Variants in ARHGAP21 observed in about 807,000 individuals in gnomAD.
The protein encoded by ARHGAP21 is Rho GTPase activating protein 21.
ARHGAP21 carries 38 observed loss-of-function variants against 164.6 expected under a neutral mutation model. The observed-to-expected ratio is 0.23, with a 90% CI of 0.18 to 0.30. The LOEUF (loss-of-function observed/expected upper bound fraction) is 0.30. ARHGAP21 is among the 10% of genes least tolerant of loss of function. ARHGAP21 has a pLI of 1.00. For missense variants in ARHGAP21, 1,822 were observed against 2,370.7 expected (o/e 0.77, Z 4.81); for synonymous variants, 766 against 857.9 (o/e 0.89, Z 1.87).
At chr10:24,614,165 A>G (rs528201927) in intron 9 of ARHGAP21, among the ~76,000 whole-genome samples, 16 of 152,308 alleles carry the variant, frequency 1.1e-4, no homozygotes, top group African/African-American at 3.8e-4. Context: ...AGAAATGTGG[A>G]TGACTGAGTA....
chr10:24,677,344 A>G (rs1350595908), intron 2 of ARHGAP21, among the ~76,000 whole-genome samples: 3 of 152,248 alleles, frequency 2.0e-5, no homozygotes, highest in Admixed American at 2.0e-4. Flanking sequence ...TGCATGTAAA[A>G]TGCAACTAGA....
At position 24,600,132 on chromosome 10, in the gene ARHGAP21, C is replaced by CAAAAAAAAAAA. The variant is rs56180973; in HGVS notation, c.3132+503_3132+513dup. 8.4e-5 allele frequency among the ~76,000 whole-genome samples: 8 copies of CAAAAAAAAAAA among 94,846 alleles called. 1 individual carries two copies. The highest frequency in any genetic ancestry group is 2.5e-4 in the African/African-American group (6 of 24,062). The allele number at this position is 94,846 out of a possible 152,430, so 62.2% of individuals were successfully genotyped here. A position where few individuals can be genotyped will look rare whatever the true frequency, so the allele number is the denominator to read the frequency against. ...TGGGCAACAGAGCAGGACTTCGTTT[C>CAAAAAAAAAAA]AAAAAAAAAAAAAAAAAAGCTGACT... On this transcript the variant is annotated intron_variant, in intron 14 of 25. Coordinates refer to ENST00000396432, the MANE Select transcript of ARHGAP21 (RefSeq NM_020824.4).
intron 4 of ARHGAP21, among the ~76,000 whole-genome samples, chr10:24,641,997 GAAAAAAA>G (rs202129015): frequency 8.8e-6 from 1 of 113,518 alleles, no homozygotes; most frequent in African/African-American, 3.1e-5. Context: ...CTCCATCTTG[GAAAAAAA>G]AAAAAAAAAG....
Position 24,585,975 on chromosome 10 carries a change from G to T in ARHGAP21, c.4314C>A (p.Asp1438Glu). 1.2e-6 allele frequency: 2 copies of T among 1,613,948 alleles called. No individual in the cohort carries two copies. Among genetic ancestry groups the T allele is most frequent in the Middle Eastern group, 1.6e-4 (1 of 6,062 alleles). The change falls in exon 26 of 26, where the codon GAC becomes GAA. Residue 1438 changes from aspartate to glutamate, a missense_variant. By Grantham distance (45) the Asp-to-Glu change is conservative (BLOSUM62 2). Transcript: ENST00000396432. ...CATTTTCTTTCTTAAAAAATACATT[G>T]TCCAGTTCATCTTCTGAGCTGCTAG... ...AQPSSSEDEL[D>E]NVFFKKENVE...
intron 9 of ARHGAP21, among the ~76,000 whole-genome samples, chr10:24,617,818 G>A (rs1400230370): frequency 1.8e-5 from 2 of 114,042 alleles, no homozygotes; most frequent in African/African-American, 5.3e-5. Flanking sequence ...AGTACTCAAA[G>A]AGAAGCATAT....
At chr10:24,722,966 G>C (rs1846080834) in intron 1 of ARHGAP21, among the ~76,000 whole-genome samples, 1 of 152,006 alleles carries the variant, frequency 6.6e-6, no homozygotes, top group South Asian at 2.1e-4. Flanking sequence ...CACTCGACAC[G>C]GCTTCCCTTC....
intron 2 of ARHGAP21, among the ~76,000 whole-genome samples, chr10:24,720,715 T>A (rs1268767116): frequency 1.3e-5 from 2 of 152,162 alleles, no homozygotes; most frequent in Non-Finnish European, 2.9e-5. Context: ...ATGCCAAAAC[T>A]CACACACTTA....
chr10:24,695,050 C>CAAAAAAAAAAAAAAAAAAAAAAAAAAAAA (rs570457905), intron 2 of ARHGAP21, among the ~76,000 whole-genome samples: 3 of 78,506 alleles, frequency 3.8e-5, no homozygotes, highest in Non-Finnish European at 4.8e-5. Flanking sequence ...AATTCCATCT[C>CAAAAAAAAAAAAAAAAAAAAAAAAAAAAA]AAAAAAAAAA....
chr10:24,608,602 A>G (rs2077130348), intron 9 of ARHGAP21, among the ~76,000 whole-genome samples: 1 of 152,212 alleles, frequency 6.6e-6, no homozygotes, highest in African/African-American at 2.4e-5. Flanking sequence ...TGATGCCTGG[A>G]TTTAAAAGGT....
At chr10:24,651,605 T>G (rs1436971634) in intron 4 of ARHGAP21, among the ~76,000 whole-genome samples, 1 of 152,220 alleles carries the variant, frequency 6.6e-6, no homozygotes, top group Non-Finnish European at 1.5e-5. Flanking sequence ...AATCTGGTGA[T>G]ATATAAAAAG....
intron 4 of ARHGAP21, among the ~76,000 whole-genome samples, chr10:24,651,294 GC>G (rs529124977): frequency 6.6e-6 from 1 of 152,164 alleles, no homozygotes; most frequent in South Asian, 2.1e-4. Context: ...CCTAGCAGAG[GC>G]ATTCTTAGAT....
intron 11 of ARHGAP21, among the ~76,000 whole-genome samples, chr10:24,606,779 T>A (rs1186733100): frequency 1.3e-5 from 2 of 152,108 alleles, no homozygotes; most frequent in East Asian, 3.8e-4. Context: ...AGGTGGAGGC[T>A]GCAGTGAGCC....
intron 4 of ARHGAP21, among the ~76,000 whole-genome samples, chr10:24,664,392 T>C (rs971840162): frequency 2.0e-5 from 3 of 151,854 alleles, no homozygotes; most frequent in Non-Finnish European, 2.9e-5. Context: ...CCGTTTCTAC[T>C]AAAAATACAA....
intron 2 of ARHGAP21, among the ~76,000 whole-genome samples, chr10:24,697,076 C>T (rs1445699396): frequency 6.6e-6 from 1 of 152,088 alleles, no homozygotes; most frequent in Non-Finnish European, 1.5e-5. Flanking sequence ...TCCAGAGGCC[C>T]GACCCAGAAT....
chr10:24,702,107 G>C (rs939641245), intron 2 of ARHGAP21, among the ~76,000 whole-genome samples: 1 of 151,306 alleles, frequency 6.6e-6, no homozygotes, highest in Admixed American at 6.6e-5. Flanking sequence ...CTTGGTGAGG[G>C]GGAGAAAATA....
chr10:24,622,623 A>T, intron 8 of ARHGAP21, 110 bp downstream of exon 8: 1 of 1,132,662 alleles, frequency 8.8e-7, no homozygotes, highest in Non-Finnish European at 1.2e-6. Flanking sequence ...TTAACACGAT[A>T]GAGGGATTTC....
At chr10:24,609,909 TAAATA>T (rs959357717) in intron 9 of ARHGAP21, among the ~76,000 whole-genome samples, 5 of 152,230 alleles carry the variant, frequency 3.3e-5, no homozygotes, top group Non-Finnish European at 7.3e-5. Context: ...TCTAAATTTT[TAAATA>T]AAATATTCTG....
chr10:24,662,810 T>A lies in ARHGAP21; in HGVS notation c.268+4175A>T, dbSNP rs947297964. 3.3e-5 allele frequency among the ~76,000 whole-genome samples: 5 copies of A among 152,196 alleles called. No homozygotes were observed. The East Asian group carries it at 7.7e-4, about 23-fold the overall frequency. On this transcript the variant is annotated intron_variant, in intron 4 of 25. Transcript: ENST00000396432. ...TTTCTGATTTTTAAAATTATCTTAT[T>A]AGTCTTTTAACTAACTTATTGATTT...
At chr10:24,718,232 C>T (rs752230265) in intron 2 of ARHGAP21, among the ~76,000 whole-genome samples, 11 of 152,044 alleles carry the variant, frequency 7.2e-5, no homozygotes, top group Admixed American at 2.6e-4. Flanking sequence ...TGCTACTCAG[C>T]GAAAGAAGGT....
Sources: allele counts gnomAD v4.1 joint callset (sites outside exome capture counted in the v4.1 genomes callset), GRCh38; gene constraint gnomAD v4.1.1; transcripts MANE v1.5; gene names NCBI Gene and HGNC (gene_info 2026-07-23, HGNC 2026-07-21).